The following TAFA2 variants were observed in gnomAD, a reference collection of about 807,000 sequenced individuals.
TAFA2 encodes the protein chemokine-like protein TAFA-2.
A neutral mutation model predicts 18.8 loss-of-function variants in TAFA2; 7 were observed. That is an observed-to-expected ratio of 0.37 (90% confidence interval 0.21 to 0.70). TAFA2 has a LOEUF of 0.70. Ranked by LOEUF, TAFA2 falls within the 30% of genes least tolerant of loss-of-function variation. The pLI, the probability that TAFA2 is intolerant of heterozygous loss-of-function variation, is 0.53. For missense variants in TAFA2, 122 were observed against 158.1 expected (o/e 0.77, Z 1.23); for synonymous variants, 60 against 54.2 (o/e 1.11, Z -0.47).
intron 1 of TAFA2, chr12:61,879,492 C>T (rs534243014): frequency 1.4e-4 from 96 of 692,186 alleles, no homozygotes; most frequent in South Asian, 9.4e-4. Context: ...GCGGGGCCAG[C>T]GGTATTGGAG....
At chr12:61,746,929 C>T (rs763608133) in intron 4 of TAFA2, among the ~76,000 whole-genome samples, 54 of 152,118 alleles carry the variant, frequency 3.5e-4, no homozygotes, top group Middle Eastern at 6.8e-3. Context: ...AGTGAACAGG[C>T]AACCTACAAA....
chr12:61,859,239 T>G (rs1447063497), intron 2 of TAFA2, among the ~76,000 whole-genome samples: 1 of 151,986 alleles, frequency 6.6e-6, no homozygotes, highest in Non-Finnish European at 1.5e-5. Context: ...GCAGGGGAAA[T>G]TCCAGACACT....
chr12:61,838,694 A>G (rs1873041130), intron 2 of TAFA2, among the ~76,000 whole-genome samples: 1 of 152,106 alleles, frequency 6.6e-6, no homozygotes, highest in African/African-American at 2.4e-5. Context: ...TGCTCTTTCC[A>G]GGCATTTATT....
chr12:62,014,041 T>G (rs1880850466), intron 1 of TAFA2, among the ~76,000 whole-genome samples: 1 of 152,224 alleles, frequency 6.6e-6, no homozygotes, highest in Admixed American at 6.5e-5. Flanking sequence ...GACTGATATC[T>G]TAGTGAACTA....
At chr12:61,955,874 T>C (rs988430405) in intron 1 of TAFA2, among the ~76,000 whole-genome samples, 1 of 151,576 alleles carries the variant, frequency 6.6e-6, no homozygotes, top group African/African-American at 2.4e-5. Flanking sequence ...GTAACAATTT[T>C]TGGGGGGCCA....
intron 1 of TAFA2, among the ~76,000 whole-genome samples, chr12:61,929,008 G>A (rs1168258140): frequency 2.1e-5 from 3 of 140,408 alleles, no homozygotes; most frequent in African/African-American, 4.9e-5. Context: ...AGGCCTGTTG[G>A]GGGGTGAGGA....
chr12:62,166,948 A>G (rs560626213), intron 1 of TAFA2, among the ~76,000 whole-genome samples: 1 of 152,318 alleles, frequency 6.6e-6, no homozygotes, highest in East Asian at 1.9e-4. Context: ...ATGTATGTCA[A>G]AAAGGACTGG....
chr12:61,763,772 G>C (rs1031663365), intron 2 of TAFA2, among the ~76,000 whole-genome samples: 5 of 151,888 alleles, frequency 3.3e-5, no homozygotes, highest in African/African-American at 1.2e-4. Context: ...AATCAGGAAA[G>C]GGAACCAAGC....
intron 1 of TAFA2, among the ~76,000 whole-genome samples, chr12:62,099,916 T>G (rs1390495140): frequency 6.6e-6 from 1 of 152,202 alleles, no homozygotes; most frequent in Admixed American, 6.5e-5. Context: ...ATTTAGATGA[T>G]GTTTTATTCA....
chr12:62,061,350 C>T (rs1882343176), intron 1 of TAFA2, among the ~76,000 whole-genome samples: 2 of 152,162 alleles, frequency 1.3e-5, no homozygotes, highest in South Asian at 4.1e-4. Context: ...GTTACAATTG[C>T]CCACAGCATT....
At chr12:62,110,612 C>CTTTTTTTTT (rs68008958) in intron 1 of TAFA2, among the ~76,000 whole-genome samples, 12 of 104,782 alleles carry the variant, frequency 1.1e-4, no homozygotes, top group Non-Finnish European at 1.7e-4. Flanking sequence ...TGGTCCTGGG[C>CTTTTTTTTT]TTTTTTTTTT....
chr12:62,187,034 A>T (rs915113500), intron 1 of TAFA2, among the ~76,000 whole-genome samples: 2 of 152,148 alleles, frequency 1.3e-5, no homozygotes, highest in African/African-American at 4.8e-5. Context: ...TATTTCTGGC[A>T]ATTTTGTAGA....
intron 4 of TAFA2, among the ~76,000 whole-genome samples, chr12:61,752,390 A>G (rs1165646568): frequency 6.6e-6 from 1 of 152,046 alleles, no homozygotes; most frequent in African/African-American, 2.4e-5. Context: ...TTTTGGACTG[A>G]GAATTAATAG....
intron 1 of TAFA2, among the ~76,000 whole-genome samples, chr12:61,951,878 A>G (rs1878479716): frequency 8.4e-6 from 1 of 119,416 alleles, no homozygotes; most frequent in Non-Finnish European, 1.9e-5. Flanking sequence ...GTAAGGAGCA[A>G]TATTCACTTA....
intron 1 of TAFA2, among the ~76,000 whole-genome samples, chr12:61,895,062 A>T (rs1015184070): frequency 6.6e-6 from 1 of 152,136 alleles, no homozygotes; most frequent in Non-Finnish European, 1.5e-5. Flanking sequence ...TTGAAGTTCC[A>T]TTCCATTTTT....
intron 1 of TAFA2, among the ~76,000 whole-genome samples, chr12:61,906,189 T>C (rs1876342601): frequency 6.6e-6 from 1 of 152,110 alleles, no homozygotes; most frequent in South Asian, 2.1e-4. Context: ...TGTCATAAAC[T>C]CTTTTACAAA....
At chr12:62,216,191 G>A (rs904353312) in intron 1 of TAFA2, among the ~76,000 whole-genome samples, 25 of 152,144 alleles carry the variant, frequency 1.6e-4, no homozygotes, top group Non-Finnish European at 2.5e-4. Flanking sequence ...ATCCAATTGC[G>A]GGTCCACACA....
At chr12:62,059,685 G>A (rs187629339) in intron 1 of TAFA2, among the ~76,000 whole-genome samples, 1 of 152,282 alleles carries the variant, frequency 6.6e-6, no homozygotes, top group Admixed American at 6.5e-5. Flanking sequence ...TCAACAGCAG[G>A]AGTCATGATA....
chr12:61,813,749 T>C (rs1871967045), intron 2 of TAFA2, among the ~76,000 whole-genome samples: 1 of 151,592 alleles, frequency 6.6e-6, no homozygotes, highest in African/African-American at 2.4e-5. Flanking sequence ...AGTTAAATTC[T>C]GGTTTTACTT....
Sources: gnomAD v4.1 joint callset for allele counts (sites outside exome capture counted in the v4.1 genomes callset) on GRCh38, gnomAD v4.1.1 for gene constraint, MANE v1.5 for transcripts, NCBI Gene and HGNC (gene_info 2026-07-23, HGNC 2026-07-21) for gene names.